The following ZFHX3 variants were observed in gnomAD, a reference collection of about 807,000 sequenced individuals.
ZFHX3 encodes the protein zinc finger homeobox 3, also known as zinc finger homeobox protein 3.
ZFHX3 carries 42 observed loss-of-function variants against 279.1 expected under a neutral mutation model. That is an observed-to-expected ratio of 0.15 (90% CI 0.12 to 0.19). The LOEUF (loss-of-function observed/expected upper bound fraction) is 0.19. Among genes scored for constraint, ZFHX3 ranks in the 10% least tolerant of loss-of-function variants. The pLI, the probability that ZFHX3 is intolerant of heterozygous loss-of-function variation, is 1.00. For missense variants in ZFHX3, 4,981 were observed against 4,754.0 expected (o/e 1.05, Z -1.40); for synonymous variants, 2,293 against 1,957.8 (o/e 1.17, Z -4.52).
At chr16:73,879,099 T>A (rs1395951032) in intron 1 of ZFHX3, among the ~76,000 whole-genome samples, 1 of 151,790 alleles carries the variant, frequency 6.6e-6, no homozygotes. Context: ...AGGACCAAGT[T>A]AACAACACCC....
chr16:73,469,720 T>G (rs1302671233), intron 2 of ZFHX3, among the ~76,000 whole-genome samples: 2 of 152,006 alleles, frequency 1.3e-5, no homozygotes, highest in Non-Finnish European at 2.9e-5. Context: ...CAGGTTCAAG[T>G]GATTCTCCTG....
chr16:73,485,857 G>A (rs749329033), intron 2 of ZFHX3, among the ~76,000 whole-genome samples: 1 of 152,102 alleles, frequency 6.6e-6, no homozygotes, highest in Non-Finnish European at 1.5e-5. Context: ...TTCTTAGTCT[G>A]GGTGAAAACT....
chr16:73,847,340 C>G (rs1597141855), intron 1 of ZFHX3, among the ~76,000 whole-genome samples: 1 of 152,200 alleles, frequency 6.6e-6, no homozygotes, highest in South Asian at 2.1e-4. Context: ...GCTTCCTGTC[C>G]TAGGAACATG....
intron 3 of ZFHX3, among the ~76,000 whole-genome samples, chr16:72,899,758 T>C (rs946854273): frequency 5.3e-5 from 8 of 152,258 alleles, no homozygotes; most frequent in Admixed American, 3.3e-4. Flanking sequence ...CAGAGCCTCA[T>C]TTCACTGCTG....
At chr16:73,490,289 C>G (rs1321562847) in intron 2 of ZFHX3, among the ~76,000 whole-genome samples, 5 of 152,194 alleles carry the variant, frequency 3.3e-5, no homozygotes, top group Non-Finnish European at 7.3e-5. Flanking sequence ...CTAACATATT[C>G]CCAAAGATGG....
At chr16:73,728,570 G>C (rs537278580) in intron 1 of ZFHX3, among the ~76,000 whole-genome samples, 1 of 152,016 alleles carries the variant, frequency 6.6e-6, no homozygotes, top group Non-Finnish European at 1.5e-5. Context: ...TCTCCTATAC[G>C]ATAACTCTTG....
intron 1 of ZFHX3, among the ~76,000 whole-genome samples, chr16:73,842,907 T>C (rs1332670766): frequency 6.6e-6 from 1 of 151,944 alleles, no homozygotes; most frequent in Non-Finnish European, 1.5e-5. Context: ...GAATTACCTC[T>C]TTTCTAACAC....
At chr16:73,165,663 C>T (rs548477158) in intron 5 of ZFHX3, among the ~76,000 whole-genome samples, 2 of 152,184 alleles carry the variant, frequency 1.3e-5, no homozygotes, top group African/African-American at 2.4e-5. Flanking sequence ...AGTCTTTTCT[C>T]CCTACCCCTC....
chr16:73,080,605 G>T (rs945910735), intron 8 of ZFHX3, among the ~76,000 whole-genome samples: 3 of 151,562 alleles, frequency 2.0e-5, no homozygotes, highest in Non-Finnish European at 4.4e-5. Flanking sequence ...ATGGGATCTT[G>T]CTGTGTTGCC....
intron 3 of ZFHX3, among the ~76,000 whole-genome samples, chr16:73,367,503 G>C (rs1488355959): frequency 6.6e-6 from 1 of 152,084 alleles, no homozygotes; most frequent in Non-Finnish European, 1.5e-5. Context: ...AAACATTCTG[G>C]TGCTGTTCTG....
At chr16:73,215,444 T>G (rs1209753637) in intron 5 of ZFHX3, among the ~76,000 whole-genome samples, 1 of 152,256 alleles carries the variant, frequency 6.6e-6, no homozygotes, top group South Asian at 2.1e-4. Context: ...AGGCAGCTGC[T>G]GCCAAGACTA....
chr16:73,545,270 A>G (rs542050725), intron 2 of ZFHX3, among the ~76,000 whole-genome samples: 1 of 151,866 alleles, frequency 6.6e-6, no homozygotes, highest in Admixed American at 6.6e-5. Flanking sequence ...TCTTTCTCCC[A>G]TTTTCTTTCT....
intron 4 of ZFHX3, among the ~76,000 whole-genome samples, chr16:73,305,209 G>T (rs1239698969): frequency 6.6e-6 from 1 of 152,166 alleles, no homozygotes. Flanking sequence ...TGTAAGCTGG[G>T]CAATTTCAGA....
intron 5 of ZFHX3, among the ~76,000 whole-genome samples, chr16:73,219,040 C>T (rs537100923): frequency 1.3e-5 from 2 of 152,238 alleles, no homozygotes; most frequent in South Asian, 2.1e-4. Flanking sequence ...AAATGGAATC[C>T]TACAATATGT....
At chr16:73,135,315 T>C (rs1966768940) in intron 6 of ZFHX3, among the ~76,000 whole-genome samples, 1 of 152,296 alleles carries the variant, frequency 6.6e-6, no homozygotes, top group South Asian at 2.1e-4. Context: ...CAGCTCAATA[T>C]GTACAAAGAG....
intron 4 of ZFHX3, among the ~76,000 whole-genome samples, chr16:72,868,443 T>C (rs1567555468): frequency 6.6e-6 from 1 of 152,212 alleles, no homozygotes; most frequent in Non-Finnish European, 1.5e-5. Context: ...CCCTCTGGCA[T>C]CCTGCACCTT....
At chr16:73,131,720 C>G (rs7188304) in intron 6 of ZFHX3, among the ~76,000 whole-genome samples, 5,687 of 152,284 alleles carry the variant, frequency 0.037, 348 homozygotes, top group African/African-American at 0.13. Flanking sequence ...ATGTTGCCTG[C>G]AGCAGGGAGT....
chr16:73,765,842 GGTTCATGTGT>G (rs1313884634), intron 1 of ZFHX3, among the ~76,000 whole-genome samples: 1 of 152,202 alleles, frequency 6.6e-6, no homozygotes, highest in South Asian at 2.1e-4. Context: ...TCTGAAACCT[GGTTCATGTGT>G]TTCTGCCTCA....
intron 7 of ZFHX3, among the ~76,000 whole-genome samples, chr16:73,101,047 T>TC (rs1966224994): frequency 6.6e-6 from 1 of 152,158 alleles, no homozygotes; most frequent in Non-Finnish European, 1.5e-5. Flanking sequence ...CAACCCCTGT[T>TC]CATTCTCAAA....
Sources: gnomAD v4.1 joint callset for allele counts (sites outside exome capture counted in the v4.1 genomes callset) on GRCh38, gnomAD v4.1.1 for gene constraint, MANE v1.5 for transcripts, NCBI Gene and HGNC (gene_info 2026-07-23, HGNC 2026-07-21) for gene names.